CRKL: variants seen among roughly 807,000 people sequenced by gnomAD.
The protein encoded by CRKL is crk-like protein.
A neutral mutation model predicts 23.0 loss-of-function variants in CRKL; 3 were observed. The observed-to-expected ratio is 0.13, with a 90% confidence interval of 0.06 to 0.34. The LOEUF (loss-of-function observed/expected upper bound fraction) is 0.34. Among genes scored for constraint, CRKL ranks in the 10% least tolerant of loss-of-function variants. CRKL has a pLI of 1.00. For synonymous variants in CRKL, 188 were observed against 160.7 expected (o/e 1.17, Z -1.28); for missense variants, 256 against 394.5 (o/e 0.65, Z 2.97).
chr22:20,936,300 C>A (rs1295164946), intron 2 of CRKL, among the ~76,000 whole-genome samples: 1 of 152,144 alleles, frequency 6.6e-6, no homozygotes, highest in Non-Finnish European at 1.5e-5. Context: ...GAATTGGTTT[C>A]ATGGGTATTT....
At chr22:20,924,099 G>A (rs1314637558) in intron 1 of CRKL, among the ~76,000 whole-genome samples, 1 of 152,180 alleles carries the variant, frequency 6.6e-6, no homozygotes, top group African/African-American at 2.4e-5. Context: ...GAAGTGGAAA[G>A]ATTGCTTGAG....
Position 20,933,957 on chromosome 22 carries a change from C to G in CRKL, c.490C>G (p.Arg164Gly), listed in dbSNP as rs760471921. ...GCCTGAAGAACAGTGGTGGAGTGCCCGGAACAAGGATGGCCGGGTTGGGAT... is the reference window on the plus strand; with the variant it reads ...GCCTGAAGAACAGTGGTGGAGTGCCGGGAACAAGGATGGCCGGGTTGGGAT... ...EKPEEQWWSA[R>G]NKDGRVGMIP... The change falls in exon 2 of 3, where the codon CGG becomes GGG. Residue 164 changes from arginine (R) to glycine (G), a missense_variant. Arg to Gly is a moderately radical substitution (Grantham distance 125). This residue lies in a region of CRKL where 129 missense variants were observed against 222.1 expected (regional missense o/e 0.58). Coordinates refer to ENST00000354336, the MANE Select transcript of CRKL (RefSeq NM_005207.4). 1.2e-6 allele frequency: 2 copies of G among 1,614,114 alleles called. No homozygotes were observed. The highest frequency in any genetic ancestry group is 1.7e-6 in the Non-Finnish European group (2 of 1,180,032).
At position 20,949,926 on chromosome 22, in the gene CRKL, A is replaced by G. The variant is rs1439116826; in HGVS notation, c.*81A>G. The G allele has an allele frequency of 6.6e-7, 1 of 1,520,074 alleles. No homozygotes were observed. The highest frequency in any genetic ancestry group is 8.8e-7 in the Non-Finnish European group (1 of 1,138,074). The allele number at this position is 1,520,074 out of a possible 1,614,324, so 94.2% of individuals were successfully genotyped here. A position where few individuals can be genotyped will look rare whatever the true frequency, so the allele number is the denominator to read the frequency against. On this transcript the variant is annotated 3_prime_UTR_variant, in exon 3 of 3. Transcript: ENST00000354336. ...GAAGTGGGAAAGCATTTTCTCTCAT[A>G]GGCAAGTCACACTGCATTGCCGAAG...
At chr22:20,934,390 TTTTAAAATTTTTTTATAGAG>T in intron 2 of CRKL, 146 bp downstream of exon 2, 1 of 745,434 alleles carries the variant, frequency 1.3e-6, no homozygotes, top group South Asian at 2.0e-5. Context: ...TAGCGTTTCA[TTTTAAAATTTTTTTATAGAG>T]ACGAGGTCTC....
chr22:20,952,990 C>T lies in CRKL; in HGVS notation c.*3145C>T, dbSNP rs1001951294. On this transcript the variant is annotated 3_prime_UTR_variant, in exon 3 of 3. Transcript: ENST00000354336. ...TGCCCTCCTGGGAGCTCATGTGTCCCTGGCGCTGTGCTAGCTTTCCTTTAC... is the reference window on the plus strand; with the variant it reads ...TGCCCTCCTGGGAGCTCATGTGTCCTTGGCGCTGTGCTAGCTTTCCTTTAC... The T allele has an allele frequency of 4.3e-6, 1 of 231,842 alleles. No individual in the cohort carries two copies. Among genetic ancestry groups the T allele is most frequent in the African/African-American group, 2.2e-5 (1 of 45,236 alleles). The allele number at this position is 231,842 out of a possible 1,614,324, so 14.4% of individuals were successfully genotyped here.
chr22:20,946,058 G>C (rs988872485), intron 2 of CRKL, among the ~76,000 whole-genome samples: 1 of 152,184 alleles, frequency 6.6e-6, no homozygotes, highest in Non-Finnish European at 1.5e-5. Flanking sequence ...TTTGATCACT[G>C]AGACCCATTC....
Position 20,917,779 on chromosome 22 carries a change from G to T in CRKL, c.-156G>T, listed in dbSNP as rs964731879. ...GGCGTCGGAGGATGCTGCGGGCCCG[G>T]AGCCGAGAGGAAAGTGCTGGCCCAG... is the stretch of plus-strand genomic sequence containing the variant. On this transcript the variant is annotated 5_prime_UTR_variant, in exon 1 of 3. Coordinates refer to ENST00000354336, the MANE Select transcript of CRKL (RefSeq NM_005207.4). 19 of 716,504 alleles carry T rather than the reference G, an allele frequency of 2.7e-5. No homozygotes were observed. Among genetic ancestry groups the T allele is most frequent in the Non-Finnish European group, 4.3e-5 (19 of 446,836 alleles). 44.4% of individuals were successfully genotyped at this position (716,504 alleles called of 1,614,324 possible).
chr22:20,933,775 T>C lies in CRKL; in HGVS notation c.312-4T>C, dbSNP rs765164920. 5 of 1,607,886 alleles carry C rather than the reference T, an allele frequency of 3.1e-6. No individual in the cohort carries two copies. In the Admixed American group the frequency reaches 8.4e-5, roughly 27 times the overall value. ...TCTTAGAGTAATTTTCTTTCTCTCT[T>C]AAGGTATCCAAGCCCACCAATGGGA... is the stretch of plus-strand genomic sequence containing the variant. On this transcript the variant is annotated splice_region_variant and splice_polypyrimidine_tract_variant and intron_variant, in intron 1 of 2. Coordinates refer to ENST00000354336, the MANE Select transcript of CRKL (RefSeq NM_005207.4).
chr22:20,949,721 T>C lies in CRKL; in HGVS notation c.788T>C (p.Ile263Thr), dbSNP rs1184315163. Residue 263 changes from isoleucine (I) to threonine (T), a missense_variant, in exon 3 of 3, where the codon ATC (isoleucine) becomes ACC (threonine). Ile to Thr is a moderately conservative substitution (Grantham distance 89, BLOSUM62 -1). Transcript: ENST00000354336. ...TCTTCATCCATACAGGTTGGTGACA[T>C]CGTGAAAGTCACAAGGATGAATATA... ...KTALALEVGD[I>T]VKVTRMNING... is the part of the protein sequence containing the mutation. The C allele has an allele frequency of 1.2e-6, 2 of 1,612,992 alleles. No individual in the cohort carries two copies. The highest frequency in any genetic ancestry group is 3.3e-5 in the Admixed American group (2 of 59,734).
intron 2 of CRKL, among the ~76,000 whole-genome samples, chr22:20,939,258 T>G (rs1391476852): frequency 4.3e-4 from 29 of 67,692 alleles, no homozygotes; most frequent in African/African-American, 1.4e-3. Context: ...TTTTTTTTTT[T>G]GAGACAGAGT....
At chr22:20,931,700 CA>C (rs1921458700) in intron 1 of CRKL, among the ~76,000 whole-genome samples, 1 of 152,182 alleles carries the variant, frequency 6.6e-6, no homozygotes, top group South Asian at 2.1e-4. Flanking sequence ...TTAAATAATC[CA>C]ATCTCTTCAA....
At chr22:20,941,986 T>G (rs1324604303) in intron 2 of CRKL, among the ~76,000 whole-genome samples, 1 of 152,232 alleles carries the variant, frequency 6.6e-6, no homozygotes, top group Non-Finnish European at 1.5e-5. Flanking sequence ...CTCTGTTTTC[T>G]GTGATAGCTG....
intron 2 of CRKL, among the ~76,000 whole-genome samples, chr22:20,947,667 CTTTTTTTCATT>C (rs1186486952): frequency 3.1e-5 from 4 of 129,430 alleles, no homozygotes; most frequent in African/African-American, 5.8e-5. Context: ...TTTCTTTTTT[CTTTTTTTCATT>C]TTTTTTTTTT....
chr22:20,941,519 G>GTA (rs71186699), intron 2 of CRKL, among the ~76,000 whole-genome samples: 1,538 of 21,710 alleles, frequency 0.071, 44 homozygotes, highest in East Asian at 0.36. Context: ...TTGTGTATGT[G>GTA]TATATATATA....
At chr22:20,922,004 G>A (rs1427703081) in intron 1 of CRKL, among the ~76,000 whole-genome samples, 2 of 127,488 alleles carry the variant, frequency 1.6e-5, no homozygotes, top group East Asian at 2.5e-4. Context: ...CACTGCGCCC[G>A]GCTTTTTTTT....
At chr22:20,924,197 A>G (rs770416759) in intron 1 of CRKL, among the ~76,000 whole-genome samples, 1 of 152,126 alleles carries the variant, frequency 6.6e-6, no homozygotes, top group Non-Finnish European at 1.5e-5. Flanking sequence ...CAAAAAATGA[A>G]TGAATGAATG....
At chr22:20,948,783 T>C (rs1922163073) in intron 2 of CRKL, among the ~76,000 whole-genome samples, 1 of 152,212 alleles carries the variant, frequency 6.6e-6, no homozygotes, top group South Asian at 2.1e-4. Context: ...TAGAGGCATG[T>C]ACCACGATGC....
At chr22:20,944,388 A>T (rs181895926) in intron 2 of CRKL, among the ~76,000 whole-genome samples, 1 of 151,634 alleles carries the variant, frequency 6.6e-6, no homozygotes, top group Non-Finnish European at 1.5e-5. Context: ...GTGTTTCACC[A>T]TGGTTAAATT....
In CRKL at chr22:20,949,965, A is replaced by G. The variant is rs969942007; in HGVS notation, c.*120A>G. 7.5e-7 allele frequency: 1 copy of G among 1,333,782 alleles called. No homozygotes were observed. The highest frequency in any genetic ancestry group is 1.0e-6 in the Non-Finnish European group (1 of 988,816). The allele number at this position is 1,333,782 out of a possible 1,614,324, so 82.6% of individuals were successfully genotyped here. On this transcript the variant is annotated 3_prime_UTR_variant, in exon 3 of 3. Transcript: ENST00000354336. Reference sequence around the variant, plus strand: ...GCATTGCCGAAGTCCAGCTTTCTGCAGACTGGCAGTCGCACACACATTTGG... The same window carrying G: ...GCATTGCCGAAGTCCAGCTTTCTGCGGACTGGCAGTCGCACACACATTTGG...
Sources: allele counts gnomAD v4.1 joint callset (sites outside exome capture counted in the v4.1 genomes callset), GRCh38; gene constraint gnomAD v4.1.1; regional missense constraint gnomAD v4.1.1; transcripts MANE v1.5; gene names NCBI Gene and HGNC (gene_info 2026-07-23, HGNC 2026-07-21).